FLRT3: variants seen among roughly 807,000 people sequenced by gnomAD.
FLRT3 encodes leucine-rich repeat transmembrane protein FLRT3.
FLRT3 carries 17 observed loss-of-function variants against 42.6 expected under a neutral mutation model. The ratio of observed to expected loss-of-function variants is 0.40; its 90% CI spans 0.27 to 0.60. FLRT3 has a LOEUF of 0.60. Ranked by LOEUF, FLRT3 falls within the 20% of genes least tolerant of loss-of-function variation. The pLI is 0.44. For missense variants in FLRT3, 635 were observed against 789.2 expected (o/e 0.80, Z 2.34); for synonymous variants, 279 against 286.4 (o/e 0.97, Z 0.26).
chr20:14,329,645 A>T (rs2082797839), intron 1 of FLRT3, among the ~76,000 whole-genome samples: 1 of 152,136 alleles, frequency 6.6e-6, no homozygotes, highest in East Asian at 1.9e-4. Context: ...AAATGATAAA[A>T]TGTTTAAAAA....
chr20:14,325,764 C>G lies in FLRT3; in HGVS notation c.1743G>C (p.Lys581Asn), dbSNP rs1242296067. ...RKDDYAEAGTKKDNSILEIRE... is the reference protein window; with the variant it reads ...RKDDYAEAGTNKDNSILEIRE... ...TGATTTCCAGGATAGAGTTGTCCTT[C>G]TTAGTGCCAGCTTCTGCATAGTCAT... is the stretch of plus-strand genomic sequence containing the variant. Residue 581 changes from lysine to asparagine, a missense_variant, in exon 3 of 3, where the codon AAG becomes AAC. Transcript: ENST00000341420. The G allele has an allele frequency of 2.5e-6, 4 of 1,613,792 alleles. No individual in the cohort carries two copies. In the African/African-American group the frequency reaches 5.3e-5, roughly 22 times the overall value.
At chr20:14,336,332 CA>C (rs1296875886) in intron 1 of FLRT3, among the ~76,000 whole-genome samples, 2 of 151,718 alleles carry the variant, frequency 1.3e-5, no homozygotes, top group African/African-American at 4.8e-5. Flanking sequence ...AAAAAAAAAT[CA>C]ATTTTTTTTC....
In FLRT3 at chr20:14,324,514, T is replaced by A. The variant is rs1387034629; in HGVS notation, c.*1043A>T. 3 of 152,568 alleles carry A rather than the reference T, an allele frequency of 2.0e-5. 1 individual carries two copies. The highest frequency in any genetic ancestry group is 7.2e-5 in the African/African-American group (3 of 41,450). 9.5% of individuals were successfully genotyped at this position (152,568 alleles called of 1,614,324 possible). A position where few individuals can be genotyped will look rare whatever the true frequency, so the allele number is the denominator to read the frequency against. ...ACATAAACCAGATCTAAATTTGATG[T>A]CTAGTATTTATTTTTCTTTAAATTA... is the stretch of plus-strand genomic sequence containing the variant. On this transcript the variant is annotated 3_prime_UTR_variant, in exon 3 of 3. Coordinates refer to ENST00000341420, the MANE Select transcript of FLRT3 (RefSeq NM_198391.3).
At chr20:14,333,115 C>G (rs1473382155) in intron 1 of FLRT3, among the ~76,000 whole-genome samples, 1 of 151,954 alleles carries the variant, frequency 6.6e-6, no homozygotes, top group Non-Finnish European at 1.5e-5. Context: ...TCTTGAGAGT[C>G]ATGAAGTCTG....
Position 14,327,289 on chromosome 20 carries a change from G to C in FLRT3, c.218C>G (p.Ala73Gly), listed in dbSNP as rs755239011. ...LYLQNNQINN[A>G]GIPSDLKNLL... is the part of the protein sequence containing the mutation. The stretch of plus-strand genomic sequence containing the variant: ...GTTTTTCAAATCTGAAGGAATCCCA[G>C]CATTATTTATTTGGTTGTTCTGAAG... The change falls in exon 3 of 3, where the codon GCT (alanine) becomes GGT (glycine). Residue 73 changes from alanine (A) to glycine (G), a missense_variant. Ala to Gly is a moderately conservative substitution (Grantham distance 60). Transcript: ENST00000341420. The C allele has an allele frequency of 6.2e-7, 1 of 1,613,738 alleles. No homozygotes were observed. The highest frequency in any genetic ancestry group is 1.1e-5 in the South Asian group (1 of 91,090).
chr20:14,326,274 A>C lies in FLRT3; in HGVS notation c.1233T>G (p.Ile411Met), dbSNP rs761487916. Reference sequence around the variant, plus strand: ...AGGTGACAGACTTCACAGTAATTGTAATTGTTTTTCTTGAGGGACTCCCTG... The same window carrying C: ...AGGTGACAGACTTCACAGTAATTGTCATTGTTTTTCTTGAGGGACTCCCTG... ...QTTGSPSRKTITITVKSVTSD... is the reference protein window; with the variant it reads ...QTTGSPSRKTMTITVKSVTSD... The change falls in exon 3 of 3, where the codon ATT becomes ATG. Residue 411 changes from isoleucine to methionine, a missense_variant. Physicochemically the swap from Ile to Met is conservative, Grantham distance 10. Coordinates refer to ENST00000341420, the MANE Select transcript of FLRT3 (RefSeq NM_198391.3). The surrounding 1 kb of genome is among the most constrained non-coding windows in gnomAD (Gnocchi z 5.5). 1 of 1,613,906 alleles carries C rather than the reference A, an allele frequency of 6.2e-7. No individual in the cohort carries two copies. The highest frequency in any genetic ancestry group is 8.5e-7 in the Non-Finnish European group (1 of 1,179,856).
Position 14,323,152 on chromosome 20 carries a change from G to A in FLRT3, c.*2405C>T, listed in dbSNP as rs1341267781. 5 of 151,944 alleles carry A rather than the reference G, an allele frequency of 3.3e-5. No homozygotes were observed. Among genetic ancestry groups the A allele is most frequent in the Admixed American group, 2.0e-4 (3 of 15,254 alleles). The allele number at this position is 151,944 out of a possible 1,614,324, so 9.4% of individuals were successfully genotyped here. A position where few individuals can be genotyped will look rare whatever the true frequency, so the allele number is the denominator to read the frequency against. ...TCCCAACACTGTCTACCTGGAAATT[G>A]TGTCATATCCCACAGGTTGAGGGCT... On this transcript the variant is annotated 3_prime_UTR_variant, in exon 3 of 3. Coordinates refer to ENST00000341420, the MANE Select transcript of FLRT3 (RefSeq NM_198391.3).
chr20:14,326,308 T>A lies in FLRT3; in HGVS notation c.1199A>T (p.His400Leu), dbSNP rs2082734234. The change falls in exon 3 of 3, where the codon CAC becomes CTC. Residue 400 changes from histidine (H) to leucine (L), a missense_variant. By Grantham distance (99) the His-to-Leu change is moderately conservative. Transcript: ENST00000341420. The surrounding 1 kb of genome is among the most constrained non-coding windows in gnomAD (Gnocchi z 5.5). Reference sequence around the variant, plus strand: ...TCTTGAGGGACTCCCTGTGGTTTGGTGATCCTTAGTGAGCTTGGGGTTCTT... The same window carrying A: ...TCTTGAGGGACTCCCTGTGGTTTGGAGATCCTTAGTGAGCTTGGGGTTCTT... ...DIKNPKLTKD[H>L]QTTGSPSRKT... 1.2e-6 allele frequency: 2 copies of A among 1,613,906 alleles called. No individual in the cohort carries two copies. The highest frequency in any genetic ancestry group is 1.3e-5 in the African/African-American group (1 of 75,014).
rs1199791732 is a variant in FLRT3 at position 14,337,567 on chromosome 20, C to G, written c.-410G>C. The G allele has an allele frequency of 1.3e-5, 5 of 398,474 alleles. No individual in the cohort carries two copies. Among genetic ancestry groups the G allele is most frequent in the Non-Finnish European group, 2.2e-5 (5 of 226,084 alleles). 24.7% of individuals were successfully genotyped at this position (398,474 alleles called of 1,614,324 possible). ...TGAGCTTGTCCTGCTTCAGATCACTCCTACACTGAGGAGTGAGCGAGGGAG... is the reference window on the plus strand; with the variant it reads ...TGAGCTTGTCCTGCTTCAGATCACTGCTACACTGAGGAGTGAGCGAGGGAG... On this transcript the variant is annotated 5_prime_UTR_variant, in exon 1 of 3. Coordinates refer to ENST00000341420, the MANE Select transcript of FLRT3 (RefSeq NM_198391.3).
At position 14,327,431 on chromosome 20, in the gene FLRT3, C is replaced by T. The variant is rs1420069278; in HGVS notation, c.76G>A (p.Val26Ile). 2.5e-6 allele frequency: 4 copies of T among 1,613,484 alleles called. No individual in the cohort carries two copies. The Admixed American group carries it at 5.0e-5, about 20-fold the overall frequency. ...GLFLQVAPLS[V>I]MAKSCPSVCR... ...ACAGATGGACAGGATTTAGCCATAA[C>T]TGATAGAGGTGCTACTTGAAGGAAC... The change falls in exon 3 of 3, where the codon GTT (valine) becomes ATT (isoleucine). Residue 26 changes from valine to isoleucine, a missense_variant. By Grantham distance (29) the Val-to-Ile change is conservative. Transcript: ENST00000341420.
At chr20:14,332,721 A>G (rs556903492) in intron 1 of FLRT3, among the ~76,000 whole-genome samples, 2 of 152,146 alleles carry the variant, frequency 1.3e-5, no homozygotes, top group African/African-American at 4.8e-5. Context: ...AGTTAGTTGC[A>G]TTGTTTTAAG....
At chr20:14,332,665 A>C (rs1009058045) in intron 1 of FLRT3, among the ~76,000 whole-genome samples, 7 of 152,066 alleles carry the variant, frequency 4.6e-5, no homozygotes, top group Non-Finnish European at 1.0e-4. Flanking sequence ...GGGACTTTTA[A>C]AAATATTCAA....
chr20:14,333,243 T>G (rs1458484513), intron 1 of FLRT3, among the ~76,000 whole-genome samples: 1 of 152,186 alleles, frequency 6.6e-6, no homozygotes, highest in African/African-American at 2.4e-5. Flanking sequence ...GGATAAAATT[T>G]CCAATGCTAA....
Position 14,325,654 on chromosome 20 carries a change from T to C in FLRT3, c.1853A>G (p.Asn618Ser). 1.2e-6 allele frequency: 2 copies of C among 1,613,766 alleles called. No individual in the cohort carries two copies. Among genetic ancestry groups the C allele is most frequent in the Non-Finnish European group, 1.7e-6 (2 of 1,179,754 alleles). Residue 618 changes from asparagine (N) to serine (S), a missense_variant, in exon 3 of 3, where the codon AAT becomes AGT. Asn to Ser is a conservative substitution (Grantham distance 46, BLOSUM62 1). Coordinates refer to ENST00000341420, the MANE Select transcript of FLRT3 (RefSeq NM_198391.3). Reference sequence around the variant, plus strand: ...ATTGTTTTTGTACAGATTCATTCCATTAGGAGGAAATATGGTGTGTATTAC... The same window carrying C: ...ATTGTTTTTGTACAGATTCATTCCACTAGGAGGAAATATGGTGTGTATTAC... ...EFVIHTIFPP[N>S]GMNLYKNNHS...
In FLRT3 at chr20:14,327,394, T is replaced by C; in HGVS notation, c.113A>G (p.Asp38Gly). ...ATCATTACAGTAAATGAAACCCGCA[T>C]CGCAGCGACACACAGATGGACAGGA... ...AKSCPSVCRCDAGFIYCNDRF... is the reference protein window; with the variant it reads ...AKSCPSVCRCGAGFIYCNDRF... Residue 38 changes from aspartate to glycine, a missense_variant, in exon 3 of 3, where the codon GAT becomes GGT. Transcript: ENST00000341420. 6.2e-7 allele frequency: 1 copy of C among 1,613,688 alleles called. No homozygotes were observed. Among genetic ancestry groups the C allele is most frequent in the Middle Eastern group, 1.7e-4 (1 of 6,058 alleles).
chr20:14,335,398 CTGCTTCATT>C (rs1325552501), intron 1 of FLRT3, among the ~76,000 whole-genome samples: 2 of 152,234 alleles, frequency 1.3e-5, no homozygotes, highest in African/African-American at 4.8e-5. Context: ...TTATTTCACA[CTGCTTCATT>C]TAGCTCTGAA....
Position 14,329,273 on chromosome 20 carries a change from T to C in FLRT3, c.-192A>G, listed in dbSNP as rs2082791652. ...TTCTTCATTTAAAGAAAAGGAGGCATACTAAATTTCCTTTATATTTCTCTT... is the reference window on the plus strand; with the variant it reads ...TTCTTCATTTAAAGAAAAGGAGGCACACTAAATTTCCTTTATATTTCTCTT... On this transcript the variant is annotated 5_prime_UTR_variant, in exon 2 of 3. An upstream start codon of the reference 5' UTR is lost. Transcript: ENST00000341420. The C allele has an allele frequency of 6.6e-6, 1 of 152,124 alleles. No homozygotes were observed. Among genetic ancestry groups the C allele is most frequent in the East Asian group, 1.9e-4 (1 of 5,196 alleles). The allele number at this position is 152,124 out of a possible 1,614,324, so 9.4% of individuals were successfully genotyped here. A position where few individuals can be genotyped will look rare whatever the true frequency, so the allele number is the denominator to read the frequency against.
At chr20:14,327,581 A>AT (rs2082758145) in intron 2 of FLRT3, 23 bp from the exon 3 acceptor site, 12 of 1,474,254 alleles carry the variant, frequency 8.1e-6, no homozygotes, top group Non-Finnish European at 1.0e-5. Flanking sequence ...GAGTAAAAAA[A>AT]GACAGAAAAC....
chr20:14,332,037 T>A (rs1372022966), intron 1 of FLRT3, among the ~76,000 whole-genome samples: 3 of 152,126 alleles, frequency 2.0e-5, no homozygotes, highest in African/African-American at 7.2e-5. Flanking sequence ...CCCTGGTAAC[T>A]TAATGGAATG....
Sources: gnomAD v4.1 joint callset for allele counts (sites outside exome capture counted in the v4.1 genomes callset) on GRCh38, gnomAD v4.1.1 for gene constraint, Gnocchi (gnomAD v3.1) non-coding constraint, MANE v1.5 for transcripts, NCBI Gene and HGNC (gene_info 2026-07-23, HGNC 2026-07-21) for gene names.